Variants in NTM observed in about 807,000 individuals in gnomAD.
The protein encoded by NTM is IgLON family member 2.
A neutral mutation model predicts 42.1 loss-of-function variants in NTM; 13 were observed. The observed-to-expected ratio is 0.31, with a 90% CI of 0.20 to 0.49. The LOEUF (loss-of-function observed/expected upper bound fraction) is 0.49. Among genes scored for constraint, NTM ranks in the 20% least tolerant of loss-of-function variants. The pLI is 0.99. For synonymous variants in NTM, 187 were observed against 179.2 expected (o/e 1.04, Z -0.35); for missense variants, 373 against 452.8 (o/e 0.82, Z 1.60).
At chr11:131,638,812 G>C (rs1371961077) in intron 1 of NTM, among the ~76,000 whole-genome samples, 2 of 149,990 alleles carry the variant, frequency 1.3e-5, no homozygotes, top group African/African-American at 2.5e-5. Flanking sequence ...GGTTTGTTTT[G>C]TTTTTTTAAT....
intron 1 of NTM, among the ~76,000 whole-genome samples, chr11:131,471,376 G>A (rs1455851382): frequency 1.3e-5 from 2 of 152,316 alleles, no homozygotes; most frequent in East Asian, 3.9e-4. Flanking sequence ...GGGTGATGAA[G>A]GCAGCCCTCA....
At chr11:131,543,067 A>G (rs2053493351) in intron 1 of NTM, among the ~76,000 whole-genome samples, 1 of 152,162 alleles carries the variant, frequency 6.6e-6, no homozygotes, top group Non-Finnish European at 1.5e-5. Context: ...CTGAGGATGA[A>G]CACGTGACTT....
At chr11:132,088,538 G>T (rs1339066399) in intron 2 of NTM, among the ~76,000 whole-genome samples, 1 of 152,046 alleles carries the variant, frequency 6.6e-6, no homozygotes, top group Non-Finnish European at 1.5e-5. Flanking sequence ...CTGCATGCAG[G>T]TTTCCCCCTC....
intron 4 of NTM, among the ~76,000 whole-genome samples, chr11:132,260,411 A>G (rs562802414): frequency 2.0e-4 from 31 of 152,314 alleles, no homozygotes; most frequent in African/African-American, 6.7e-4. Flanking sequence ...CTGAATTACC[A>G]TGGGAATGTT....
intron 2 of NTM, among the ~76,000 whole-genome samples, chr11:132,018,590 T>C (rs1191855056): frequency 6.6e-6 from 1 of 151,978 alleles, no homozygotes; most frequent in Admixed American, 6.6e-5. Context: ...TTAGCATGGG[T>C]GTATGATCTG....
chr11:131,451,201 C>T (rs529737875), intron 1 of NTM, among the ~76,000 whole-genome samples: 1 of 152,150 alleles, frequency 6.6e-6, no homozygotes, highest in Non-Finnish European at 1.5e-5. Flanking sequence ...GGACCACCAA[C>T]TCTATGCCTA....
Position 131,724,414 on chromosome 11 carries a change from G to C in NTM, c.83-187150G>C, listed in dbSNP as rs181043244. On this transcript the variant is annotated intron_variant, in intron 1 of 8. Coordinates refer to ENST00000683400, the MANE Select transcript of NTM (RefSeq NM_001352005.2). ...TTTGAGAAGACAACTCAAGCGTGCT[G>C]TCTGGCCCTACTCTCAGGGGCTCTC... Among the ~76,000 whole-genome samples the C allele has an allele frequency of 3.3e-5, 5 of 152,266 alleles. No individual in the cohort carries two copies. In the East Asian group the frequency reaches 9.7e-4, roughly 29 times the overall value.
intron 1 of NTM, among the ~76,000 whole-genome samples, chr11:131,503,509 T>C (rs1396921592): frequency 1.3e-5 from 2 of 150,626 alleles, no homozygotes; most frequent in African/African-American, 4.9e-5. Flanking sequence ...TCAAGTCCAC[T>C]TCATATTTGA....
chr11:132,282,688 G>T (rs1470199253), intron 4 of NTM, among the ~76,000 whole-genome samples: 1 of 152,182 alleles, frequency 6.6e-6, no homozygotes, highest in Non-Finnish European at 1.5e-5. Context: ...TGTGTCAAGA[G>T]TAGAAAGAGG....
intron 1 of NTM, among the ~76,000 whole-genome samples, chr11:131,586,798 A>G (rs1316690762): frequency 6.6e-6 from 1 of 152,226 alleles, no homozygotes; most frequent in Non-Finnish European, 1.5e-5. Flanking sequence ...TTTCAAAAAG[A>G]AAATGGACAA....
chr11:132,152,980 T>G (rs1406485675), intron 3 of NTM, among the ~76,000 whole-genome samples: 1 of 152,212 alleles, frequency 6.6e-6, no homozygotes, highest in East Asian at 1.9e-4. Context: ...GTTCTAGCCT[T>G]TCACACCCAC....
chr11:131,763,393 G>T (rs1476467441), intron 1 of NTM, among the ~76,000 whole-genome samples: 5 of 152,160 alleles, frequency 3.3e-5, no homozygotes, highest in African/African-American at 4.8e-5. Context: ...GCACCCACTA[G>T]TCATTGAATC....
chr11:132,281,925 T>G (rs1472749375), intron 4 of NTM, among the ~76,000 whole-genome samples: 1 of 152,216 alleles, frequency 6.6e-6, no homozygotes, highest in Non-Finnish European at 1.5e-5. Flanking sequence ...TTATTTTTAT[T>G]AATTTCTGCT....
chr11:131,790,958 AACT>A (rs1294483362), intron 1 of NTM, among the ~76,000 whole-genome samples: 3 of 152,228 alleles, frequency 2.0e-5, no homozygotes, highest in Non-Finnish European at 4.4e-5. Context: ...TAGCAGCAAT[AACT>A]ACTACTAATT....
chr11:131,816,079 A>G (rs2092940166), intron 1 of NTM, among the ~76,000 whole-genome samples: 2 of 152,184 alleles, frequency 1.3e-5, no homozygotes, highest in Non-Finnish European at 2.9e-5. Flanking sequence ...ATATTTCCAG[A>G]TGTGAGGTGC....
chr11:131,869,652 A>G (rs1175063925), intron 1 of NTM, among the ~76,000 whole-genome samples: 1 of 152,240 alleles, frequency 6.6e-6, no homozygotes, highest in Non-Finnish European at 1.5e-5. Flanking sequence ...GACTTTTAGA[A>G]ACAGAAGGAA....
chr11:131,424,673 G>T (rs1947918606), intron 1 of NTM, among the ~76,000 whole-genome samples: 1 of 123,988 alleles, frequency 8.1e-6, no homozygotes, highest in African/African-American at 3.1e-5. Context: ...CCATTCTCCT[G>T]CCTCAGCCTC....
intron 2 of NTM, among the ~76,000 whole-genome samples, chr11:132,144,686 A>C (rs1374920082): frequency 6.6e-6 from 1 of 152,200 alleles, no homozygotes; most frequent in Non-Finnish European, 1.5e-5. Context: ...TAAGTAGTCC[A>C]TGAGCACTTT....
intron 3 of NTM, among the ~76,000 whole-genome samples, chr11:132,211,049 C>T (rs1245558729): frequency 6.6e-6 from 1 of 152,124 alleles, no homozygotes; most frequent in Non-Finnish European, 1.5e-5. Context: ...GATGAAGAAG[C>T]AGCAGTCAAT....
Sources: gnomAD v4.1 joint callset for allele counts (sites outside exome capture counted in the v4.1 genomes callset) on GRCh38, gnomAD v4.1.1 for gene constraint, MANE v1.5 for transcripts, NCBI Gene and HGNC (gene_info 2026-07-23, HGNC 2026-07-21) for gene names.